NALF1: variants seen among roughly 807,000 people sequenced by gnomAD.
NALF1 encodes the protein NALCN channel auxiliary factor 1.
Under a neutral mutation model 48.4 loss-of-function variants are expected in NALF1, and 3 were observed. The ratio of observed to expected loss-of-function variants is 0.06; its 90% CI spans 0.03 to 0.16. The LOEUF (loss-of-function observed/expected upper bound fraction) is 0.16, where lower values mean the gene tolerates loss of function less well. Among genes scored for constraint, NALF1 ranks in the 10% least tolerant of loss-of-function variants. The probability of loss-of-function intolerance (pLI) is 1.00; values close to 1 mark genes in which losing one functional copy is unlikely to be tolerated. For synonymous variants in NALF1, 262 were observed against 245.7 expected, an observed-to-expected ratio of 1.07 and a Z score of -0.62; for missense variants, 526 against 571.5, an observed-to-expected ratio of 0.92 and a Z score of 0.81.
At chr13:107,700,074 C>T (rs991140235) in intron 1 of NALF1, among the ~76,000 whole-genome samples, 1 of 151,828 alleles carries the variant, frequency 6.6e-6, no homozygotes, top group Non-Finnish European at 1.5e-5. Context: ...AATGTCCATA[C>T]TACACAAAGT....
chr13:107,760,860 G>T (rs1402835180), intron 1 of NALF1, among the ~76,000 whole-genome samples: 1 of 152,096 alleles, frequency 6.6e-6, no homozygotes, highest in African/African-American at 2.4e-5. Context: ...ATTTTTTGCA[G>T]TAGTAGTTGA....
In NALF1 at chr13:107,362,676, A is replaced by T. The variant is rs1478183186; in HGVS notation, c.916-151921T>A. ...AGATTCTGGGAGTTAGGACCTCAAC[A>T]TATTTTGCTGGGGGGACACAATTCT... On this transcript the variant is annotated intron_variant, in intron 1 of 2. Transcript: ENST00000375915. The surrounding 1 kb of genome is among the most constrained non-coding windows in gnomAD (Gnocchi z 4.6). Among the ~76,000 whole-genome samples, 1 of 150,994 alleles carries T rather than the reference A, an allele frequency of 6.6e-6. No homozygotes were observed. The highest frequency in any genetic ancestry group is 1.5e-5 in the Non-Finnish European group (1 of 68,028).
At chr13:107,567,992 A>T (rs1004014120) in intron 1 of NALF1, among the ~76,000 whole-genome samples, 33 of 151,998 alleles carry the variant, frequency 2.2e-4, no homozygotes, top group African/African-American at 8.0e-4. Context: ...TATTTTTGAG[A>T]CAGTGTCTTT....
intron 1 of NALF1, among the ~76,000 whole-genome samples, chr13:107,322,015 C>A (rs1442182613): frequency 6.6e-6 from 1 of 152,094 alleles, no homozygotes; most frequent in African/African-American, 2.4e-5. Flanking sequence ...ATTAGCTTAT[C>A]ATGGATACAG....
rs141331266 is a variant in NALF1, at chr13:107,827,226, G to T, written c.915+38456C>A. ...AAACGCAAAAATAAACATTTATGGA[G>T]TGTCTGTTAAACATTAAGGCATTTT... On this transcript the variant is annotated intron_variant, in intron 1 of 2. Transcript: ENST00000375915. Among the ~76,000 whole-genome samples the T allele has an allele frequency of 4.1e-4, 62 of 152,282 alleles. No individual in the cohort carries two copies. In the East Asian group the frequency reaches 0.01, roughly 25 times the overall value.
At chr13:107,746,218 T>C (rs1876776293) in intron 1 of NALF1, among the ~76,000 whole-genome samples, 1 of 152,180 alleles carries the variant, frequency 6.6e-6, no homozygotes, top group African/African-American at 2.4e-5. Context: ...CACGTTGGCT[T>C]CCTCTTCCAC....
At chr13:107,509,396 T>C (rs2139085900) in intron 1 of NALF1, among the ~76,000 whole-genome samples, 1 of 152,306 alleles carries the variant, frequency 6.6e-6, no homozygotes, top group South Asian at 2.1e-4. Flanking sequence ...CTAGGTTTCC[T>C]GGAGCCAAAC....
In NALF1 at chr13:107,866,338, T is replaced by TG. The variant is rs1880723986; in HGVS notation, c.258_259insC (p.Arg87GlnfsTer141). ...TGCTGCTGCTGCTGCTGCCGCTGCC[T>TG]CTGCTGCTGCTGCTGCTGCTGCTGC... On this transcript the variant is annotated frameshift_variant, in exon 1 of 3. Transcript: ENST00000375915. LOFTEE classifies it high-confidence loss of function. The surrounding 1 kb of genome is among the most constrained non-coding windows in gnomAD (Gnocchi z 4.4). The TG allele has an allele frequency of 8.8e-6, 14 of 1,598,640 alleles. No individual in the cohort carries two copies. The highest frequency in any genetic ancestry group is 2.7e-5 in the African/African-American group (2 of 74,534).
intron 1 of NALF1, among the ~76,000 whole-genome samples, chr13:107,756,938 T>C (rs1271550604): frequency 6.6e-6 from 1 of 152,216 alleles, no homozygotes; most frequent in Non-Finnish European, 1.5e-5. Context: ...TATAAGTTCA[T>C]ACTAAAGGCT....
At chr13:107,254,568 C>A (rs1299448461) in intron 1 of NALF1, among the ~76,000 whole-genome samples, 1 of 152,178 alleles carries the variant, frequency 6.6e-6, no homozygotes, top group East Asian at 1.9e-4. Context: ...TCCAGGCTCA[C>A]TGATGCTTGT....
chr13:107,520,536 G>A (rs1017374766), intron 1 of NALF1, among the ~76,000 whole-genome samples: 31 of 152,202 alleles, frequency 2.0e-4, no homozygotes, highest in Admixed American at 1.6e-3. Context: ...AGGATTAATT[G>A]TGACCACAGT....
At position 107,567,187 on chromosome 13, in the gene NALF1, T is replaced by C. The variant is rs145394525; in HGVS notation, c.915+298495A>G. Among the ~76,000 whole-genome samples, 932 of 152,300 alleles carry C rather than the reference T, an allele frequency of 6.1e-3. 7 individuals are homozygous for C. The highest frequency in any genetic ancestry group is 0.021 in the African/African-American group (854 of 41,546). On this transcript the variant is annotated intron_variant, in intron 1 of 2. Transcript: ENST00000375915. ...TTTTTAAAAACTCAGTTTCATATAT[T>C]TGTTTTAAAATTAAAATGAGCTATA...
At chr13:107,840,193 C>T (rs1002025472) in intron 1 of NALF1, among the ~76,000 whole-genome samples, 61 of 152,114 alleles carry the variant, frequency 4.0e-4, no homozygotes, top group Non-Finnish European at 6.8e-4. Context: ...TGCAACTATA[C>T]GAATAGGAAA....
intron 1 of NALF1, among the ~76,000 whole-genome samples, chr13:107,334,862 T>A (rs932809895): frequency 2.0e-5 from 3 of 152,192 alleles, no homozygotes; most frequent in African/African-American, 7.2e-5. Context: ...AAGTTGATGG[T>A]GCTTTGTCTT....
chr13:107,202,519 TG>T (rs2138795730), intron 2 of NALF1, among the ~76,000 whole-genome samples: 1 of 151,902 alleles, frequency 6.6e-6, no homozygotes, highest in South Asian at 2.1e-4. Flanking sequence ...AATTTATTTG[TG>T]TGTGTGTGTA....
At chr13:107,813,798 C>A (rs1272533267) in intron 1 of NALF1, among the ~76,000 whole-genome samples, 1 of 152,026 alleles carries the variant, frequency 6.6e-6, no homozygotes, top group African/African-American at 2.4e-5. Context: ...AAGATAGACA[C>A]TGAATGGACA....
At chr13:107,466,861 T>C (rs1436270973) in intron 1 of NALF1, among the ~76,000 whole-genome samples, 1 of 152,212 alleles carries the variant, frequency 6.6e-6, no homozygotes. Flanking sequence ...TTTCAGGGTG[T>C]TGTCTCGGTT....
At chr13:107,609,438 C>T (rs1339521015) in intron 1 of NALF1, among the ~76,000 whole-genome samples, 2 of 152,180 alleles carry the variant, frequency 1.3e-5, no homozygotes, top group African/African-American at 4.8e-5. Flanking sequence ...GTCAGAACCT[C>T]TGGGATCTCA....
At chr13:107,445,108 C>T (rs1884625582) in intron 1 of NALF1, among the ~76,000 whole-genome samples, 1 of 152,096 alleles carries the variant, frequency 6.6e-6, no homozygotes, top group African/African-American at 2.4e-5. Context: ...TCCACAAGCA[C>T]CTATGGGTGT....
Sources: allele counts gnomAD v4.1 joint callset (sites outside exome capture counted in the v4.1 genomes callset), GRCh38; gene constraint gnomAD v4.1.1; non-coding constraint Gnocchi (gnomAD v3.1); transcripts MANE v1.5; gene names NCBI Gene and HGNC (gene_info 2026-07-23, HGNC 2026-07-21).